RTRAF: variants seen among roughly 807,000 people sequenced by gnomAD.
RTRAF encodes RNA transcription, translation and transport factor, also known as tRNA-splicing ligase complex subunit RTRAF.
RTRAF carries 14 observed loss-of-function variants against 34.4 expected under a neutral mutation model. That is an observed-to-expected ratio of 0.41 (90% CI 0.27 to 0.64). RTRAF has a LOEUF of 0.64. RTRAF is among the 30% of genes least tolerant of loss of function. The pLI is 0.34. For synonymous variants in RTRAF, 96 were observed against 95.3 expected, an observed-to-expected ratio of 1.01 and a Z score of -0.04; for missense variants, 291 against 288.4, an observed-to-expected ratio of 1.01 and a Z score of -0.06.
At position 52,006,304 on chromosome 14, in the gene RTRAF, G is replaced by C. The variant is rs1890779324; in HGVS notation, c.*1788G>C. The C allele has an allele frequency of 2.1e-6, 1 of 479,928 alleles. No individual in the cohort carries two copies. The highest frequency in any genetic ancestry group is 2.6e-5 in the South Asian group (1 of 38,890). 29.7% of individuals were successfully genotyped at this position (479,928 alleles called of 1,614,324 possible). A position where few individuals can be genotyped will look rare whatever the true frequency, so the allele number is the denominator to read the frequency against. ...ATCCAATAGCTTTGCTACTTTTTAA[G>C]CTATATGTGAGCAATACCATTCGAT... On this transcript the variant is annotated 3_prime_UTR_variant, in exon 8 of 8. Transcript: ENST00000261700.
rs1890892041 is a variant in RTRAF at position 52,008,776 on chromosome 14, T to A, written c.*4260T>A. 2 of 152,242 alleles carry A rather than the reference T, an allele frequency of 1.3e-5. No individual in the cohort carries two copies. The highest frequency in any genetic ancestry group is 2.9e-5 in the Non-Finnish European group (2 of 68,044). 9.4% of individuals were successfully genotyped at this position (152,242 alleles called of 1,614,324 possible). ...ATACAAACTATGGAACTTGAAGAGA[T>A]GTGGACCAGGGATTTGAGAAGGAAA... On this transcript the variant is annotated 3_prime_UTR_variant, in exon 8 of 8. Coordinates refer to ENST00000261700, the MANE Select transcript of RTRAF (RefSeq NM_016039.3).
rs1890691354 is a variant in RTRAF at position 52,004,822 on chromosome 14, C to G, written c.*306C>G. 1 of 225,070 alleles carries G rather than the reference C, an allele frequency of 4.4e-6. No individual in the cohort carries two copies. The highest frequency in any genetic ancestry group is 8.6e-6 in the Non-Finnish European group (1 of 116,672). 13.9% of individuals were successfully genotyped at this position (225,070 alleles called of 1,614,324 possible). A position where few individuals can be genotyped will look rare whatever the true frequency, so the allele number is the denominator to read the frequency against. ...TTAAGTCATAGGAAAACTTAAAACA[C>G]TTTATTGGAGTAATCTAGAAAATTT... On this transcript the variant is annotated 3_prime_UTR_variant, in exon 8 of 8. Coordinates refer to ENST00000261700, the MANE Select transcript of RTRAF (RefSeq NM_016039.3).
intron 6 of RTRAF, among the ~76,000 whole-genome samples, chr14:52,003,583 T>C (rs1168788212): frequency 6.6e-6 from 1 of 152,220 alleles, no homozygotes; most frequent in Non-Finnish European, 1.5e-5. Context: ...AATTTGTTTC[T>C]GTGAAGTTTG....
In RTRAF at chr14:52,009,966, A is replaced by G. The variant is rs1317900788; in HGVS notation, c.*5450A>G. ...TGTGCCACTGCACCCCAGCCTCGGCAACAAAGCAAGACCTTGTCTCAAAAA... is the reference window on the plus strand; with the variant it reads ...TGTGCCACTGCACCCCAGCCTCGGCGACAAAGCAAGACCTTGTCTCAAAAA... On this transcript the variant is annotated 3_prime_UTR_variant, in exon 8 of 8. Coordinates refer to ENST00000261700, the MANE Select transcript of RTRAF (RefSeq NM_016039.3). The G allele has an allele frequency of 6.6e-6, 1 of 152,202 alleles. No homozygotes were observed. Among genetic ancestry groups the G allele is most frequent in the Non-Finnish European group, 1.5e-5 (1 of 68,052 alleles). 9.4% of individuals were successfully genotyped at this position (152,202 alleles called of 1,614,324 possible). A position where few individuals can be genotyped will look rare whatever the true frequency, so the allele number is the denominator to read the frequency against.
At chr14:52,001,746 G>T (rs1890604481) in intron 5 of RTRAF, 52 bp from the exon 6 acceptor site, 1 of 1,431,660 alleles carries the variant, frequency 7.0e-7, no homozygotes, top group Non-Finnish European at 9.7e-7. Flanking sequence ...ATAGAAGAAA[G>T]GATGACAGGT....
rs954433895 is a variant in RTRAF, at chr14:52,004,676, A to G, written c.*160A>G. The stretch of plus-strand genomic sequence containing the variant: ...CCATTGCTTATTGCTTTTTTCTTTA[A>G]TAAAGTTTAGGAAAGTAGAATTTTT... On this transcript the variant is annotated 3_prime_UTR_variant, in exon 8 of 8. Transcript: ENST00000261700. 2.0e-5 allele frequency: 13 copies of G among 641,482 alleles called. No individual in the cohort carries two copies. Among genetic ancestry groups the G allele is most frequent in the Middle Eastern group, 8.5e-4 (2 of 2,354 alleles). 39.7% of individuals were successfully genotyped at this position (641,482 alleles called of 1,614,324 possible). A position where few individuals can be genotyped will look rare whatever the true frequency, so the allele number is the denominator to read the frequency against.
Position 52,009,420 on chromosome 14 carries a change from G to A in RTRAF, c.*4904G>A, listed in dbSNP as rs1227419012. 2 of 152,216 alleles carry A rather than the reference G, an allele frequency of 1.3e-5. No homozygotes were observed. Among genetic ancestry groups the A allele is most frequent in the African/African-American group, 4.8e-5 (2 of 41,442 alleles). The allele number at this position is 152,216 out of a possible 1,614,324, so 9.4% of individuals were successfully genotyped here. On this transcript the variant is annotated 3_prime_UTR_variant, in exon 8 of 8. Transcript: ENST00000261700. ...TAGAAAGCAAATGAGAAATATGCAG[G>A]AAGGCTTGACAACCATTCTGTTACG... is the stretch of plus-strand genomic sequence containing the variant.
chr14:52,008,086 G>C lies in RTRAF; in HGVS notation c.*3570G>C, dbSNP rs775402250. The stretch of plus-strand genomic sequence containing the variant: ...TATTATAGCCTTAAGCAATCCCCTT[G>C]AGTTTGGGCTGCATTAGTAGTGTCT... On this transcript the variant is annotated 3_prime_UTR_variant, in exon 8 of 8. Transcript: ENST00000261700. The C allele has an allele frequency of 1.7e-5, 13 of 761,768 alleles. No individual in the cohort carries two copies. Among genetic ancestry groups the C allele is most frequent in the Non-Finnish European group, 2.7e-5 (13 of 480,990 alleles). 47.2% of individuals were successfully genotyped at this position (761,768 alleles called of 1,614,324 possible).
chr14:51,999,803 T>C lies in RTRAF; in HGVS notation c.462+7T>C, dbSNP rs780176870. 6.3e-7 allele frequency: 1 copy of C among 1,594,536 alleles called. No homozygotes were observed. Among genetic ancestry groups the C allele is most frequent in the South Asian group, 1.1e-5 (1 of 88,748 alleles). On this transcript the variant is annotated splice_region_variant and intron_variant, in intron 5 of 7. Transcript: ENST00000261700. ...TTACCTGGTAATGCTTAAGGTCAGC[T>C]TCATGTTCTTGATTCTTGACAGAAA...
Position 51,998,585 on chromosome 14 carries a change from G to A in RTRAF, c.373+5G>A. The stretch of plus-strand genomic sequence containing the variant: ...AACCATTGATCAATTTGGATGGTGA[G>A]TATATAAATGCATAACATTGAACAT... On this transcript the variant is annotated splice_donor_5th_base_variant and intron_variant, in intron 4 of 7. Coordinates refer to ENST00000261700, the MANE Select transcript of RTRAF (RefSeq NM_016039.3). 1 of 1,550,400 alleles carries A rather than the reference G, an allele frequency of 6.4e-7. No individual in the cohort carries two copies. The highest frequency in any genetic ancestry group is 8.8e-7 in the Non-Finnish European group (1 of 1,141,292).
chr14:52,004,310 C>A, intron 7 of RTRAF, 52 bp from the exon 8 acceptor site: 1 of 1,377,958 alleles, frequency 7.3e-7, no homozygotes, highest in Non-Finnish European at 9.9e-7. Flanking sequence ...AAATAAATGG[C>A]CTTAAATGTA....
At chr14:52,001,329 A>G (rs573701862) in intron 5 of RTRAF, among the ~76,000 whole-genome samples, 1 of 152,264 alleles carries the variant, frequency 6.6e-6, no homozygotes, top group African/African-American at 2.4e-5. Context: ...AAGGTTTGAA[A>G]ATATTTTACT....
intron 6 of RTRAF, among the ~76,000 whole-genome samples, chr14:52,003,723 C>T (rs1159943022): frequency 2.0e-5 from 3 of 151,818 alleles, no homozygotes; most frequent in Non-Finnish European, 4.4e-5. Context: ...CATAATTATA[C>T]ATAATCTTGG....
intron 1 of RTRAF, among the ~76,000 whole-genome samples, 196 bp downstream of exon 1, chr14:51,989,896 A>G (rs950189952): frequency 1.3e-5 from 2 of 149,866 alleles, no homozygotes; most frequent in Admixed American, 1.3e-4. Flanking sequence ...CCTCTCACCT[A>G]CTCCTGTCTC....
chr14:52,002,487 G>A (rs1890616237), intron 6 of RTRAF, among the ~76,000 whole-genome samples: 1 of 152,186 alleles, frequency 6.6e-6, no homozygotes, highest in African/African-American at 2.4e-5. Context: ...CTGTTGGAGT[G>A]TAAGGTTCAA....
Position 51,991,297 on chromosome 14 carries a change from T to C in RTRAF, c.62-20T>C. The C allele has an allele frequency of 6.2e-7, 1 of 1,609,184 alleles. No individual in the cohort carries two copies. Among genetic ancestry groups the C allele is most frequent in the Non-Finnish European group, 8.5e-7 (1 of 1,176,388 alleles). Reference sequence around the variant, plus strand: ...TTTATGTAGTGCTTCTAGTTATTTATGTGATATTTTTTATTGCAGATGAAA... The same window carrying C: ...TTTATGTAGTGCTTCTAGTTATTTACGTGATATTTTTTATTGCAGATGAAA... On this transcript the variant is annotated intron_variant, in intron 1 of 7. Coordinates refer to ENST00000261700, the MANE Select transcript of RTRAF (RefSeq NM_016039.3).
At chr14:52,003,869 C>G (rs1006118155) in intron 6 of RTRAF, 1 of 264,180 alleles carries the variant, frequency 3.8e-6, no homozygotes, top group African/African-American at 2.2e-5. Context: ...AACAGCCTGG[C>G]TCAACTTGCC....
In RTRAF at chr14:52,004,425, TACAG is replaced by T. The variant is rs1890672766; in HGVS notation, c.648_651del (p.Thr217LysfsTer6). On this transcript the variant is annotated frameshift_variant, in exon 8 of 8. Transcript: ENST00000261700. LOFTEE classifies it high-confidence loss of function. ...CTGCACATAGAGGAGCTCAGAGAGCTACAGACAAAAATCAACGAAGCCATAGTAG... is the reference window on the plus strand; with the variant it reads ...CTGCACATAGAGGAGCTCAGAGAGCTACAAAAATCAACGAAGCCATAGTAG... 1 of 1,613,880 alleles carries T rather than the reference TACAG, an allele frequency of 6.2e-7. No individual in the cohort carries two copies. Among genetic ancestry groups the T allele is most frequent in the Admixed American group, 1.7e-5 (1 of 59,988 alleles).
Position 52,007,555 on chromosome 14 carries a change from T to C in RTRAF, c.*3039T>C. 2.2e-6 allele frequency: 1 copy of C among 447,566 alleles called. No homozygotes were observed. Among genetic ancestry groups the C allele is most frequent in the East Asian group, 4.5e-5 (1 of 22,114 alleles). The allele number at this position is 447,566 out of a possible 1,614,324, so 27.7% of individuals were successfully genotyped here. A position where few individuals can be genotyped will look rare whatever the true frequency, so the allele number is the denominator to read the frequency against. ...CAACAATGGCTAATTCTTTTAACTG[T>C]TAAAAATATGCCAGGCACTCATGGT... On this transcript the variant is annotated 3_prime_UTR_variant, in exon 8 of 8. Transcript: ENST00000261700.
Sources: gnomAD v4.1 joint callset for allele counts (sites outside exome capture counted in the v4.1 genomes callset) on GRCh38, gnomAD v4.1.1 for gene constraint, MANE v1.5 for transcripts, NCBI Gene and HGNC (gene_info 2026-07-23, HGNC 2026-07-21) for gene names.